The following SDK1 variants were observed in gnomAD, a reference collection of about 807,000 sequenced individuals.
SDK1 encodes sidekick cell adhesion molecule 1.
A neutral mutation model predicts 245.5 loss-of-function variants in SDK1; 157 were observed. The ratio of observed to expected loss-of-function variants is 0.64; its 90% CI spans 0.56 to 0.73. The LOEUF (loss-of-function observed/expected upper bound fraction) is 0.73, where lower values mean the gene tolerates loss of function less well. Ranked by LOEUF, SDK1 falls within the 30% of genes least tolerant of loss-of-function variation. The pLI is 0.00. For synonymous variants in SDK1, 1,647 were observed against 1,278.5 expected (o/e 1.29, Z -6.15); for missense variants, 3,583 against 3,002.3 (o/e 1.19, Z -4.52).
intron 4 of SDK1, among the ~76,000 whole-genome samples, chr7:3,726,944 A>G (rs1779027338): frequency 6.6e-6 from 1 of 152,274 alleles, no homozygotes; most frequent in South Asian, 2.1e-4. Flanking sequence ...TAGATTGGAA[A>G]GAAACACCAT....
intron 1 of SDK1, among the ~76,000 whole-genome samples, chr7:3,410,882 C>A (rs946497152): frequency 3.3e-5 from 5 of 152,052 alleles, no homozygotes; most frequent in South Asian, 2.1e-4. Context: ...CTACCACGCC[C>A]AGCCCAAACC....
chr7:3,507,515 T>A (rs1208586566), intron 1 of SDK1, among the ~76,000 whole-genome samples: 1 of 152,210 alleles, frequency 6.6e-6, no homozygotes, highest in African/African-American at 2.4e-5. Flanking sequence ...GGTTGTTGAC[T>A]GCAGGAAGGA....
At chr7:3,464,082 A>G (rs531006426) in intron 1 of SDK1, among the ~76,000 whole-genome samples, 5 of 152,354 alleles carry the variant, frequency 3.3e-5, no homozygotes, top group East Asian at 3.9e-4. Context: ...GACTTAACCA[A>G]TTGTAAAAAT....
chr7:3,541,888 G>T (rs1208129790), intron 1 of SDK1, among the ~76,000 whole-genome samples: 2 of 152,150 alleles, frequency 1.3e-5, no homozygotes, highest in African/African-American at 4.8e-5. Context: ...AATTTAAACA[G>T]AGGAACAAAA....
At chr7:3,619,647 A>G (rs535990710) in intron 2 of SDK1, among the ~76,000 whole-genome samples, 1 of 152,198 alleles carries the variant, frequency 6.6e-6, no homozygotes, top group Non-Finnish European at 1.5e-5. Flanking sequence ...GTAGTCAGCA[A>G]AAGTCTTTCC....
intron 4 of SDK1, among the ~76,000 whole-genome samples, chr7:3,683,303 T>G (rs1290194039): frequency 6.6e-6 from 1 of 152,230 alleles, no homozygotes; most frequent in Non-Finnish European, 1.5e-5. Flanking sequence ...ACTTGCTTAA[T>G]AAATGAATAA....
chr7:3,496,264 G>A lies in SDK1; in HGVS notation c.299-122816G>A, dbSNP rs115327476. On this transcript the variant is annotated intron_variant, in intron 1 of 44. Coordinates refer to ENST00000404826, the MANE Select transcript of SDK1 (RefSeq NM_152744.4). ...GCATATCTGAGGCTCCCAGGATAGT[G>A]TCTGGTGTGGAAGCATGTGTATGTT... Among the ~76,000 whole-genome samples the A allele has an allele frequency of 2.5e-3, 376 of 152,212 alleles. 4 individuals carry two copies. Among genetic ancestry groups the A allele is most frequent in the African/African-American group, 8.8e-3 (367 of 41,526 alleles).
chr7:4,091,382 A>G (rs1322229187), intron 22 of SDK1, among the ~76,000 whole-genome samples: 3 of 124,522 alleles, frequency 2.4e-5, no homozygotes, highest in African/African-American at 9.8e-5. Flanking sequence ...TCACTCTGTC[A>G]CCCAGGCTGG....
intron 1 of SDK1, among the ~76,000 whole-genome samples, chr7:3,406,268 A>G (rs1779052879): frequency 6.6e-6 from 1 of 152,166 alleles, no homozygotes; most frequent in African/African-American, 2.4e-5. Context: ...TGTATATTAC[A>G]CTGGACTCTT....
At position 3,903,006 on chromosome 7, in the gene SDK1, AC is replaced by A. The variant is rs145961685; in HGVS notation, c.848-47916del. Among the ~76,000 whole-genome samples the A allele has an allele frequency of 4.1e-4, 62 of 152,342 alleles. 1 individual carries two copies. The East Asian group carries it at 7.1e-3, about 18-fold the overall frequency. On this transcript the variant is annotated intron_variant, in intron 5 of 44. Transcript: ENST00000404826. ...CATTTTTCCAAAGAAGATAAAAAAA[AC>A]GGGCAATAAACACCTGAGAAAATGC...
At chr7:3,944,696 C>G (rs957374832) in intron 5 of SDK1, among the ~76,000 whole-genome samples, 3 of 152,146 alleles carry the variant, frequency 2.0e-5, no homozygotes, top group African/African-American at 7.2e-5. Context: ...ATCTGTTGAC[C>G]TCTTCTTGCT....
intron 27 of SDK1, chr7:4,130,371 G>A: frequency 2.2e-6 from 1 of 462,072 alleles, no homozygotes; most frequent in African/African-American, 2.0e-5. Flanking sequence ...GCAGAGGCTG[G>A]GGCGGGGCCG....
intron 1 of SDK1, among the ~76,000 whole-genome samples, chr7:3,550,324 T>C (rs375215876): frequency 6.6e-6 from 1 of 152,184 alleles, no homozygotes; most frequent in East Asian, 1.9e-4. Flanking sequence ...TCATTTGCGT[T>C]TTCTTCCCTT....
rs1286523342 is a variant in SDK1 at position 4,268,840 on chromosome 7, T to C, written c.*3456T>C. 4.1e-6 allele frequency: 4 copies of C among 971,764 alleles called. No homozygotes were observed. Among genetic ancestry groups the C allele is most frequent in the Admixed American group, 2.0e-5 (1 of 49,846 alleles). 60.2% of individuals were successfully genotyped at this position (971,764 alleles called of 1,614,324 possible). ...CACGTCTCCTTCCCGCGTCACCTTC[T>C]GGTTTAGGGAGCCGTCAGGTCCCTA... On this transcript the variant is annotated 3_prime_UTR_variant, in exon 45 of 45. Transcript: ENST00000404826.
chr7:3,884,787 C>G (rs1781298037), intron 5 of SDK1, among the ~76,000 whole-genome samples: 1 of 152,186 alleles, frequency 6.6e-6, no homozygotes, highest in African/African-American at 2.4e-5. Context: ...TGGTGTGGCT[C>G]CTTCCAACTT....
At chr7:3,494,695 A>G (rs1781968955) in intron 1 of SDK1, among the ~76,000 whole-genome samples, 1 of 152,252 alleles carries the variant, frequency 6.6e-6, no homozygotes, top group Non-Finnish European at 1.5e-5. Flanking sequence ...CAGAGAATAT[A>G]TTGGGAAAAC....
chr7:3,834,942 G>T (rs889193296), intron 5 of SDK1, among the ~76,000 whole-genome samples: 1 of 152,100 alleles, frequency 6.6e-6, no homozygotes, highest in African/African-American at 2.4e-5. Flanking sequence ...TTCTTTTGGT[G>T]TTTATTGCTC....
chr7:3,802,187 C>A (rs982547337), intron 4 of SDK1, among the ~76,000 whole-genome samples: 23 of 152,166 alleles, frequency 1.5e-4, no homozygotes, highest in African/African-American at 5.5e-4. Context: ...GTTTGTAGTT[C>A]TTTGTCATTT....
chr7:4,153,211 G>T, intron 30 of SDK1, among the ~76,000 whole-genome samples: 1 of 152,016 alleles, frequency 6.6e-6, no homozygotes, highest in East Asian at 1.9e-4. Flanking sequence ...TCAGCACCAC[G>T]GCCCTAGCTC....
Sources: allele counts gnomAD v4.1 joint callset (sites outside exome capture counted in the v4.1 genomes callset), GRCh38; gene constraint gnomAD v4.1.1; transcripts MANE v1.5; gene names NCBI Gene and HGNC (gene_info 2026-07-23, HGNC 2026-07-21).